The following SBF2 variants were observed in gnomAD, a reference collection of about 807,000 sequenced individuals.
SBF2 encodes SET binding factor 2.
SBF2 carries 112 observed loss-of-function variants against 225.2 expected under a neutral mutation model. That is an observed-to-expected ratio of 0.50 (90% CI 0.43 to 0.58). SBF2 has a LOEUF of 0.58. Among genes scored for constraint, SBF2 ranks in the 20% least tolerant of loss-of-function variants. The pLI is 0.00. For synonymous variants in SBF2, 763 were observed against 773.3 expected, an observed-to-expected ratio of 0.99 and a Z score of 0.22; for missense variants, 1,996 against 2,206.2, an observed-to-expected ratio of 0.90 and a Z score of 1.91.
intron 11 of SBF2, 141 bp from the exon 12 acceptor site, chr11:9,992,684 C>T (rs959612018): frequency 1.2e-6 from 1 of 802,454 alleles, no homozygotes; most frequent in African/African-American, 1.8e-5. Context: ...ATATTTCTCT[C>T]AAAGAGAGTT....
At chr11:10,110,769 C>T (rs1171213126) in intron 2 of SBF2, among the ~76,000 whole-genome samples, 1 of 152,028 alleles carries the variant, frequency 6.6e-6, no homozygotes, top group Non-Finnish European at 1.5e-5. Flanking sequence ...CCTTCAAATG[C>T]TTAACAACTC....
At chr11:9,834,846 G>A (rs1468318145) in intron 26 of SBF2, among the ~76,000 whole-genome samples, 2 of 152,132 alleles carry the variant, frequency 1.3e-5, no homozygotes, top group Non-Finnish European at 2.9e-5. Context: ...GGTAAAGAAC[G>A]AGCACACTCC....
chr11:9,963,216 G>C lies in SBF2; in HGVS notation c.1710+557C>G, dbSNP rs530214671. 5.3e-5 allele frequency among the ~76,000 whole-genome samples: 8 copies of C among 152,188 alleles called. No homozygotes were observed. In the East Asian group the frequency reaches 1.5e-3, roughly 29 times the overall value. The stretch of plus-strand genomic sequence containing the variant: ...ATGTTGGCTCATACATGTAATCCCA[G>C]CACTTTGGGAGGCTGAGGCGGCTGG... On this transcript the variant is annotated intron_variant, in intron 15 of 39. Coordinates refer to ENST00000256190, the MANE Select transcript of SBF2 (RefSeq NM_030962.4).
intron 26 of SBF2, among the ~76,000 whole-genome samples, chr11:9,832,658 T>C (rs1053768089): frequency 6.6e-6 from 1 of 152,188 alleles, no homozygotes; most frequent in Non-Finnish European, 1.5e-5. Flanking sequence ...ACAGGCTGGT[T>C]TCAAATTTTT....
At chr11:10,147,202 G>A (rs529663724) in intron 2 of SBF2, among the ~76,000 whole-genome samples, 8 of 152,212 alleles carry the variant, frequency 5.3e-5, no homozygotes, top group Admixed American at 3.9e-4. Flanking sequence ...ATTTGACCCA[G>A]CGATCCCATT....
chr11:10,039,765 A>T (rs1249457208), intron 3 of SBF2, among the ~76,000 whole-genome samples: 1 of 151,950 alleles, frequency 6.6e-6, no homozygotes, highest in Non-Finnish European at 1.5e-5. Flanking sequence ...GAAGGAATAA[A>T]ATGATCCTAG....
At chr11:10,203,319 G>GA (rs1957633266) in intron 1 of SBF2, among the ~76,000 whole-genome samples, 2 of 151,950 alleles carry the variant, frequency 1.3e-5, no homozygotes, top group Admixed American at 1.3e-4. Context: ...CAGCCAAGAG[G>GA]AAAAAACGAA....
At chr11:10,258,314 C>G (rs1289298113) in intron 1 of SBF2, among the ~76,000 whole-genome samples, 1 of 152,146 alleles carries the variant, frequency 6.6e-6, no homozygotes, top group Non-Finnish European at 1.5e-5. Flanking sequence ...CTCTATGTTG[C>G]CCAGACAGGT....
chr11:10,082,487 C>T (rs999303428), intron 2 of SBF2, among the ~76,000 whole-genome samples: 2 of 152,002 alleles, frequency 1.3e-5, no homozygotes, highest in Non-Finnish European at 2.9e-5. Context: ...AAATCCTTGA[C>T]GGAATACTAG....
chr11:9,965,577 C>T (rs183131801), intron 14 of SBF2, among the ~76,000 whole-genome samples: 144 of 152,206 alleles, frequency 9.5e-4, no homozygotes, highest in African/African-American at 3.2e-3. Flanking sequence ...TATGAGCCAC[C>T]GCGCCCAGCC....
chr11:9,841,602 G>A (rs1478288440), intron 25 of SBF2, among the ~76,000 whole-genome samples: 2 of 151,600 alleles, frequency 1.3e-5, no homozygotes, highest in Non-Finnish European at 2.9e-5. Context: ...GTGCAATCTC[G>A]GCTCACTGCA....
At chr11:10,109,896 T>G (rs1269842216) in intron 2 of SBF2, among the ~76,000 whole-genome samples, 1 of 152,218 alleles carries the variant, frequency 6.6e-6, no homozygotes, top group Non-Finnish European at 1.5e-5. Context: ...TTATTTTTCA[T>G]GAGGGAGAAA....
At chr11:10,019,848 T>G (rs772767281) in intron 6 of SBF2, among the ~76,000 whole-genome samples, 13 of 152,332 alleles carry the variant, frequency 8.5e-5, no homozygotes, top group South Asian at 6.2e-4. Context: ...GTTCAGCAAT[T>G]TACCAATCAG....
At chr11:10,183,756 A>C (rs894625989) in intron 2 of SBF2, among the ~76,000 whole-genome samples, 1 of 152,188 alleles carries the variant, frequency 6.6e-6, no homozygotes, top group Non-Finnish European at 1.5e-5. Flanking sequence ...TCTCATCCAT[A>C]TGTAGAAGCT....
chr11:9,991,276 TTG>T (rs1947422407), intron 12 of SBF2, among the ~76,000 whole-genome samples: 2 of 152,216 alleles, frequency 1.3e-5, no homozygotes, highest in South Asian at 4.1e-4. Context: ...TTCATATGCT[TTG>T]TGTTTTTAAT....
At chr11:9,994,584 A>G (rs1282481942) in intron 9 of SBF2, among the ~76,000 whole-genome samples, 2 of 149,740 alleles carry the variant, frequency 1.3e-5, no homozygotes, top group Non-Finnish European at 3.0e-5. Context: ...GTACATATAT[A>G]TATATATATG....
chr11:9,942,664 T>C lies in SBF2; in HGVS notation c.1860+19293A>G, dbSNP rs570523326. On this transcript the variant is annotated intron_variant, in intron 16 of 39. Coordinates refer to ENST00000256190, the MANE Select transcript of SBF2 (RefSeq NM_030962.4). ...GGGCAACATGGTAAAATCCTGTCTC[T>C]ACTAAAAATACAAAAAATTAGCCAG... is the stretch of plus-strand genomic sequence containing the variant. 3.9e-5 allele frequency among the ~76,000 whole-genome samples: 6 copies of C among 152,040 alleles called. No homozygotes were observed. The East Asian group carries it at 9.7e-4, about 25-fold the overall frequency.
intron 17 of SBF2, 128 bp from the exon 18 acceptor site, chr11:9,858,524 C>T (rs778279858): frequency 1.8e-5 from 17 of 954,386 alleles, no homozygotes; most frequent in Non-Finnish European, 2.5e-5. Flanking sequence ...TATGGTAGTA[C>T]AGGCTTAGCA....
chr11:10,015,428 A>C (rs1948613757), intron 6 of SBF2, among the ~76,000 whole-genome samples: 1 of 152,196 alleles, frequency 6.6e-6, no homozygotes, highest in Non-Finnish European at 1.5e-5. Flanking sequence ...CCTGTGATCA[A>C]ATTTTCCAGC....
Sources: gnomAD v4.1 joint callset for allele counts (sites outside exome capture counted in the v4.1 genomes callset) on GRCh38, gnomAD v4.1.1 for gene constraint, MANE v1.5 for transcripts, NCBI Gene and HGNC (gene_info 2026-07-23, HGNC 2026-07-21) for gene names.